The following RBFOX1 variants were observed in gnomAD, a reference collection of about 807,000 sequenced individuals.
RBFOX1 encodes RNA binding fox-1 homolog 1.
RBFOX1 carries 8 observed loss-of-function variants against 57.7 expected under a neutral mutation model. The ratio of observed to expected loss-of-function variants is 0.14; its 90% CI spans 0.08 to 0.25. The LOEUF (loss-of-function observed/expected upper bound fraction) is 0.25, where lower values mean the gene tolerates loss of function less well. Ranked by LOEUF, RBFOX1 falls within the 10% of genes least tolerant of loss-of-function variation. The pLI is 1.00. For missense variants in RBFOX1, 611 were observed against 548.5 expected (o/e 1.11, Z -1.14); for synonymous variants, 326 against 222.4 (o/e 1.47, Z -4.15).
intron 3 of RBFOX1, among the ~76,000 whole-genome samples, chr16:5,665,934 G>A (rs577746487): frequency 9.8e-5 from 15 of 152,374 alleles, no homozygotes; most frequent in East Asian, 9.7e-4. Context: ...GCACGCCTGC[G>A]TTGGGAGAGA....
At chr16:7,318,359 G>A (rs2096483458) in intron 4 of RBFOX1, among the ~76,000 whole-genome samples, 1 of 151,876 alleles carries the variant, frequency 6.6e-6, no homozygotes, top group Admixed American at 6.6e-5. Flanking sequence ...TAGTTGCAGT[G>A]GTGGTGGTGG....
At chr16:5,646,408 G>A (rs1596571824) in intron 3 of RBFOX1, among the ~76,000 whole-genome samples, 1 of 152,056 alleles carries the variant, frequency 6.6e-6, no homozygotes, top group South Asian at 2.1e-4. Flanking sequence ...TAAAGTGCTG[G>A]GATTAGAGCC....
At chr16:6,771,195 A>G (rs1184387984) in intron 3 of RBFOX1, among the ~76,000 whole-genome samples, 1 of 152,190 alleles carries the variant, frequency 6.6e-6, no homozygotes, top group Non-Finnish European at 1.5e-5. Context: ...AGGCTTCAGA[A>G]GAAACCAACA....
intron 1 of RBFOX1, among the ~76,000 whole-genome samples, chr16:5,327,975 G>A (rs2064632775): frequency 6.6e-6 from 1 of 152,178 alleles, no homozygotes; most frequent in African/African-American, 2.4e-5. Flanking sequence ...AGAATCCCAG[G>A]AGAAAAGGAG....
chr16:7,332,611 G>A (rs2096712770), intron 4 of RBFOX1: 1 of 243,702 alleles, frequency 4.1e-6, no homozygotes, highest in African/African-American at 2.3e-5. Flanking sequence ...AATTCAGTAG[G>A]ATGAGCTTAT....
intron 4 of RBFOX1, among the ~76,000 whole-genome samples, chr16:7,413,755 T>C (rs1191417356): frequency 4.6e-5 from 7 of 152,116 alleles, no homozygotes; most frequent in African/African-American, 1.7e-4. Context: ...AGAGCTCAGT[T>C]TAATGACAAG....
At chr16:7,441,774 G>T (rs1013694347) in intron 4 of RBFOX1, among the ~76,000 whole-genome samples, 11 of 152,184 alleles carry the variant, frequency 7.2e-5, no homozygotes, top group African/African-American at 2.7e-4. Flanking sequence ...GTGTGGAGAT[G>T]AGCTTTCCAC....
At chr16:7,339,094 A>T (rs1022863349) in intron 4 of RBFOX1, among the ~76,000 whole-genome samples, 3 of 152,194 alleles carry the variant, frequency 2.0e-5, no homozygotes, top group African/African-American at 7.2e-5. Context: ...AAACAGGTCC[A>T]GGTTGATATA....
intron 4 of RBFOX1, among the ~76,000 whole-genome samples, chr16:7,398,950 C>T (rs1221719207): frequency 1.3e-5 from 2 of 152,190 alleles, no homozygotes; most frequent in African/African-American, 2.4e-5. Flanking sequence ...AATTTACTCT[C>T]TTCCAATTGG....
intron 3 of RBFOX1, among the ~76,000 whole-genome samples, chr16:6,793,290 T>G (rs903520025): frequency 3.9e-5 from 6 of 152,182 alleles, no homozygotes; most frequent in Admixed American, 1.3e-4. Context: ...AGGCTTAGAT[T>G]TTACATAAAA....
At chr16:7,367,264 T>A (rs1342271090) in intron 4 of RBFOX1, among the ~76,000 whole-genome samples, 2 of 151,950 alleles carry the variant, frequency 1.3e-5, no homozygotes, top group Non-Finnish European at 2.9e-5. Context: ...CATTTGAGAG[T>A]TGCTGTTTTG....
intron 3 of RBFOX1, among the ~76,000 whole-genome samples, chr16:6,813,978 A>C (rs1163007340): frequency 6.6e-6 from 1 of 152,158 alleles, no homozygotes; most frequent in Non-Finnish European, 1.5e-5. Context: ...CACTCTCATC[A>C]TGGCACTGGC....
At chr16:5,527,918 C>G (rs930876139) in intron 2 of RBFOX1, among the ~76,000 whole-genome samples, 2 of 152,154 alleles carry the variant, frequency 1.3e-5, no homozygotes, top group African/African-American at 4.8e-5. Context: ...CTGGAGAGCA[C>G]TCACAGTGAC....
chr16:5,757,925 G>C (rs754553116), intron 3 of RBFOX1, among the ~76,000 whole-genome samples: 1 of 152,120 alleles, frequency 6.6e-6, no homozygotes. Context: ...TACTCTCGCT[G>C]GTCATCACCA....
chr16:6,749,292 A>C (rs960741297), intron 3 of RBFOX1, among the ~76,000 whole-genome samples: 6 of 152,126 alleles, frequency 3.9e-5, no homozygotes, highest in Admixed American at 6.5e-5. Flanking sequence ...AATGACATCA[A>C]CCCAATTAAA....
At chr16:6,048,820 G>A (rs7190154) in intron 1 of RBFOX1, among the ~76,000 whole-genome samples, 151,876 of 152,298 alleles carry the variant, frequency 1, 75,728 homozygotes, top group Middle Eastern at 1. Context: ...AAGACATAGC[G>A]TTATTCCTTT....
rs1156942531 is a variant in RBFOX1, at chr16:6,283,827, TG to T, written c.-126-33166del. Reference sequence around the variant, plus strand: ...GGTTTGACAGTGAGTGGCAGAGATATGGCCAAATTACCTGCAATGGCACTTT... The same window carrying T: ...GGTTTGACAGTGAGTGGCAGAGATATGCCAAATTACCTGCAATGGCACTTT... On this transcript the variant is annotated intron_variant, in intron 1 of 15. Transcript: ENST00000550418. Among the ~76,000 whole-genome samples the T allele has an allele frequency of 5.9e-5, 9 of 152,228 alleles. No homozygotes were observed. The East Asian group carries it at 1.5e-3, about 26-fold the overall frequency.
At chr16:5,403,178 C>T (rs9929581) in intron 1 of RBFOX1, among the ~76,000 whole-genome samples, 13,012 of 151,850 alleles carry the variant, frequency 0.086, 743 homozygotes, top group African/African-American at 0.15. Context: ...TGGAGAAACC[C>T]CATCTCTACT....
chr16:7,046,023 A>G (rs1311409725), intron 3 of RBFOX1, among the ~76,000 whole-genome samples: 2 of 152,156 alleles, frequency 1.3e-5, no homozygotes, highest in Non-Finnish European at 2.9e-5. Flanking sequence ...TTTTAAAAAC[A>G]CTTGTATTTC....
Sources: gnomAD v4.1 joint callset for allele counts (sites outside exome capture counted in the v4.1 genomes callset) on GRCh38, gnomAD v4.1.1 for gene constraint, MANE v1.5 for transcripts, NCBI Gene and HGNC (gene_info 2026-07-23, HGNC 2026-07-21) for gene names.